Variants in TRAF1 observed in about 807,000 individuals in gnomAD.
TRAF1 encodes TNF receptor associated factor 1.
TRAF1 carries 23 observed loss-of-function variants against 40.9 expected under a neutral mutation model. The observed-to-expected ratio is 0.56, with a 90% CI of 0.40 to 0.80. The LOEUF (loss-of-function observed/expected upper bound fraction) is 0.80, where lower values mean the gene tolerates loss of function less well. Ranked by LOEUF, TRAF1 falls within the 30% of genes least tolerant of loss-of-function variation. The pLI is 0.00. For synonymous variants in TRAF1, 206 were observed against 218.8 expected (o/e 0.94, Z 0.52); for missense variants, 477 against 528.7 (o/e 0.90, Z 0.96).
rs1421381336 is a variant in TRAF1 at position 120,902,510 on chromosome 9, G to A, written c.*2510C>T. On this transcript the variant is annotated 3_prime_UTR_variant, in exon 8 of 8. Transcript: ENST00000373887. ...AGGTGCTCTGTGGGCAGGGCGGGGG[G>A]TGGGGGGGGGGGCGGTGGGCACTGC... 1 of 119,104 alleles carries A rather than the reference G, an allele frequency of 8.4e-6. No individual in the cohort carries two copies. The highest frequency in any genetic ancestry group is 1.8e-5 in the Non-Finnish European group (1 of 56,040). The allele number at this position is 119,104 out of a possible 1,614,324, so 7.4% of individuals were successfully genotyped here. A position where few individuals can be genotyped will look rare whatever the true frequency, so the allele number is the denominator to read the frequency against.
intron 5 of TRAF1, among the ~76,000 whole-genome samples, chr9:120,911,892 C>A (rs1292138742): frequency 6.6e-6 from 1 of 152,032 alleles, no homozygotes. Context: ...TTGCATAGTA[C>A]CTGGTATGTA....
chr9:120,910,381 T>C (rs529424256), intron 6 of TRAF1, among the ~76,000 whole-genome samples: 3 of 152,200 alleles, frequency 2.0e-5, no homozygotes, highest in African/African-American at 7.2e-5. Context: ...TCTGGGATTG[T>C]GACACACTCC....
At chr9:120,919,711 G>A (rs2046592831) in intron 3 of TRAF1, among the ~76,000 whole-genome samples, 1 of 152,128 alleles carries the variant, frequency 6.6e-6, no homozygotes, top group Non-Finnish European at 1.5e-5. Flanking sequence ...TGCTCAGCTC[G>A]ACCGCCACCT....
At chr9:120,923,002 T>C (rs1548784) in intron 3 of TRAF1, among the ~76,000 whole-genome samples, 100,702 of 151,850 alleles carry the variant, frequency 0.66, 33,530 homozygotes, top group South Asian at 0.82. Flanking sequence ...CCATGCCAGG[T>C]TAGTTTTTAT....
intron 7 of TRAF1, among the ~76,000 whole-genome samples, chr9:120,907,158 G>A (rs1020122264): frequency 3.3e-5 from 5 of 152,156 alleles, no homozygotes; most frequent in Non-Finnish European, 5.9e-5. Flanking sequence ...CTCTGTGCCC[G>A]GCCTATCTTC....
In TRAF1 at chr9:120,914,220, C is replaced by A; in HGVS notation, c.294+15G>T. The A allele has an allele frequency of 6.6e-7, 1 of 1,505,904 alleles. No homozygotes were observed. Among genetic ancestry groups the A allele is most frequent in the Non-Finnish European group, 9.0e-7 (1 of 1,114,146 alleles). 93.3% of individuals were successfully genotyped at this position (1,505,904 alleles called of 1,614,324 possible). ...CATAGTGGATAGATCTCCTTTCTCACACTCAGATGCTTACCTTGAAGGAGC... is the reference window on the plus strand; with the variant it reads ...CATAGTGGATAGATCTCCTTTCTCAAACTCAGATGCTTACCTTGAAGGAGC... On this transcript the variant is annotated intron_variant, in intron 4 of 7. Coordinates refer to ENST00000373887, the MANE Select transcript of TRAF1 (RefSeq NM_005658.5).
intron 3 of TRAF1, 55 bp from the exon 4 acceptor site, chr9:120,914,355 G>A: frequency 7.3e-7 from 1 of 1,375,396 alleles, no homozygotes; most frequent in East Asian, 2.6e-5. Flanking sequence ...GGCTACCCTG[G>A]GGCTCTCTTC....
chr9:120,914,444 C>A, intron 3 of TRAF1, 144 bp from the exon 4 acceptor site: 1 of 1,236,012 alleles, frequency 8.1e-7, no homozygotes, highest in South Asian at 3.9e-5. Flanking sequence ...TGGCTATCTC[C>A]TTTCCACCCT....
chr9:120,910,218 C>T (rs781394143), intron 6 of TRAF1, among the ~76,000 whole-genome samples: 1 of 152,072 alleles, frequency 6.6e-6, no homozygotes. Flanking sequence ...TTTGGTAGAA[C>T]AGGAAGCACG....
At chr9:120,905,765 G>T (rs2046476122) in intron 7 of TRAF1, among the ~76,000 whole-genome samples, 1 of 152,168 alleles carries the variant, frequency 6.6e-6, no homozygotes, top group African/African-American at 2.4e-5. Context: ...ACAGACGGAG[G>T]TTCCCCTGAG....
In TRAF1 at chr9:120,905,028, T is replaced by C; in HGVS notation, c.1243A>G (p.Ser415Gly). 3 of 1,613,654 alleles carry C rather than the reference T, an allele frequency of 1.9e-6. No homozygotes were observed. Among genetic ancestry groups the C allele is most frequent in the Middle Eastern group, 1.7e-4 (1 of 5,900 alleles). Reference sequence around the variant, plus strand: ...CAGGAGCCCCGCCCACCCTAAGTGCTGGTCTCCACAATGCACTTGAGGAAC... The same window carrying C: ...CAGGAGCCCCGCCCACCCTAAGTGCCGGTCTCCACAATGCACTTGAGGAAC... ...TMFLKCIVET[S>G]T is the part of the protein sequence containing the mutation. The change falls in exon 8 of 8, where the codon AGC (serine) becomes GGC (glycine). Residue 415 changes from serine (S) to glycine (G), a missense_variant. By Grantham distance (56) the Ser-to-Gly change is moderately conservative. Transcript: ENST00000373887.
At chr9:120,924,704 T>C (rs2046627330) in intron 2 of TRAF1, among the ~76,000 whole-genome samples, 2 of 152,222 alleles carry the variant, frequency 1.3e-5, no homozygotes, top group Admixed American at 1.3e-4. Flanking sequence ...CATGAGCCAC[T>C]GCGCCTGGCC....
chr9:120,907,302 T>C (rs901353883), intron 7 of TRAF1, among the ~76,000 whole-genome samples: 5 of 152,268 alleles, frequency 3.3e-5, no homozygotes, highest in African/African-American at 9.6e-5. Context: ...AGCTCATTTC[T>C]TTTTAGCACT....
chr9:120,926,176 G>C lies in TRAF1; in HGVS notation c.-101C>G. 7.8e-7 allele frequency: 1 copy of C among 1,281,900 alleles called. No individual in the cohort carries two copies. The highest frequency in any genetic ancestry group is 1.0e-6 in the Non-Finnish European group (1 of 958,320). The allele number at this position is 1,281,900 out of a possible 1,614,324, so 79.4% of individuals were successfully genotyped here. A position where few individuals can be genotyped will look rare whatever the true frequency, so the allele number is the denominator to read the frequency against. The stretch of plus-strand genomic sequence containing the variant: ...CTGGGCCTCACTCTCTGGTGAGTAG[G>C]AGCTCTGATGACTTTATCTTCTTCT... On this transcript the variant is annotated 5_prime_UTR_variant, in exon 2 of 8. Coordinates refer to ENST00000373887, the MANE Select transcript of TRAF1 (RefSeq NM_005658.5).
intron 3 of TRAF1, among the ~76,000 whole-genome samples, chr9:120,917,222 G>A (rs1365973429): frequency 6.6e-6 from 1 of 152,188 alleles, no homozygotes; most frequent in African/African-American, 2.4e-5. Context: ...AGTTGCTGGA[G>A]AAAGGGGCAG....
intron 3 of TRAF1, among the ~76,000 whole-genome samples, chr9:120,919,102 G>T (rs1308561713): frequency 6.6e-6 from 1 of 152,226 alleles, no homozygotes; most frequent in Non-Finnish European, 1.5e-5. Context: ...CGAGGGGACA[G>T]GAGAGGGAAT....
At chr9:120,928,588 AT>A (rs1196663839), upstream of TRAF1, 1 of 152,256 alleles carries the variant, frequency 6.6e-6, no homozygotes, top group East Asian at 1.9e-4. Flanking sequence ...CTGGGCCTCC[AT>A]CGGCTCCATC....
Position 120,905,210 on chromosome 9 carries a change from T to A in TRAF1, c.1061A>T (p.Asn354Ile), listed in dbSNP as rs1039254922. 6.2e-7 allele frequency: 1 copy of A among 1,613,100 alleles called. No individual in the cohort carries two copies. Among genetic ancestry groups the A allele is most frequent in the Non-Finnish European group, 8.5e-7 (1 of 1,179,516 alleles). Residue 354 changes from asparagine (N) to isoleucine (I), a missense_variant, in exon 8 of 8, where the codon AAC (asparagine) becomes ATC (isoleucine). Physicochemically the swap from Asn to Ile is moderately radical, Grantham distance 149 (BLOSUM62 -3). Coordinates refer to ENST00000373887, the MANE Select transcript of TRAF1 (RefSeq NM_005658.5). Reference protein sequence around the residue: ...KVTFMLLDQNNREHAIDAFRP... With the variant: ...KVTFMLLDQNIREHAIDAFRP... ...GAAGGCGTCAATGGCGTGCTCACGG[T>A]TGTTCTGGTCCAGCAGCATGAAGGT...
Position 120,904,906 on chromosome 9 carries a change from T to C in TRAF1, c.*114A>G. ...CGACCCCTCAGTCTTGCTTGGATCA[T>C]GCCAGCCTTCACCCATCTTTGTGCC... On this transcript the variant is annotated 3_prime_UTR_variant, in exon 8 of 8. Coordinates refer to ENST00000373887, the MANE Select transcript of TRAF1 (RefSeq NM_005658.5). 1.8e-6 allele frequency: 2 copies of C among 1,113,628 alleles called. No individual in the cohort carries two copies. Among genetic ancestry groups the C allele is most frequent in the Non-Finnish European group, 2.6e-6 (2 of 775,170 alleles). 69.0% of individuals were successfully genotyped at this position (1,113,628 alleles called of 1,614,324 possible).
Sources: gnomAD v4.1 joint callset for allele counts (sites outside exome capture counted in the v4.1 genomes callset) on GRCh38, gnomAD v4.1.1 for gene constraint, MANE v1.5 for transcripts, NCBI Gene and HGNC (gene_info 2026-07-23, HGNC 2026-07-21) for gene names.